The following CNBD1 variants were observed in gnomAD, a reference collection of about 807,000 sequenced individuals.
CNBD1 encodes the protein cyclic nucleotide binding domain containing 1.
CNBD1 carries 71 observed loss-of-function variants against 54.4 expected under a neutral mutation model. The observed-to-expected ratio is 1.30, with a 90% CI of 1.08 to 1.59. The LOEUF (loss-of-function observed/expected upper bound fraction) is 1.59. Among genes scored for constraint, CNBD1 ranks in the 40% most tolerant of loss-of-function variants. CNBD1 has a pLI of 0.00. For missense variants in CNBD1, 659 were observed against 518.0 expected, an observed-to-expected ratio of 1.27 and a Z score of -2.64; for synonymous variants, 182 against 170.7, an observed-to-expected ratio of 1.07 and a Z score of -0.51.
chr8:87,026,578 TAAA>T (rs199686658), intron 4 of CNBD1, among the ~76,000 whole-genome samples: 1 of 152,162 alleles, frequency 6.6e-6, no homozygotes, highest in Non-Finnish European at 1.5e-5. Flanking sequence ...CTTCTCTTTT[TAAA>T]AAATAACTAG....
At chr8:86,950,051 GGT>G (rs1491531353) in intron 4 of CNBD1, among the ~76,000 whole-genome samples, 1 of 67,856 alleles carries the variant, frequency 1.5e-5, no homozygotes, top group African/African-American at 6.6e-5. Flanking sequence ...CTGCCTCCCG[GGT>G]TTTTTTTTTT....
intron 8 of CNBD1, among the ~76,000 whole-genome samples, chr8:87,293,466 C>T (rs1316991185): frequency 3.3e-5 from 5 of 152,040 alleles, no homozygotes; most frequent in Non-Finnish European, 4.4e-5. Flanking sequence ...ATCTCTTGAA[C>T]CAGGAGGCTG....
intron 3 of CNBD1, among the ~76,000 whole-genome samples, chr8:86,931,066 T>A (rs2130403690): frequency 6.6e-6 from 1 of 152,242 alleles, no homozygotes; most frequent in Non-Finnish European, 1.5e-5. Context: ...TGTCCCTCCC[T>A]AATAAGGGTG....
At chr8:87,015,936 G>C (rs1809345602) in intron 4 of CNBD1, among the ~76,000 whole-genome samples, 2 of 115,708 alleles carry the variant, frequency 1.7e-5, no homozygotes, top group African/African-American at 6.7e-5. Context: ...AGCTGAGATT[G>C]TAACACTGCA....
At chr8:87,381,127 A>G (rs1245913796) in intron 10 of CNBD1, among the ~76,000 whole-genome samples, 1 of 152,076 alleles carries the variant, frequency 6.6e-6, no homozygotes, top group Non-Finnish European at 1.5e-5. Flanking sequence ...AATATTTGCA[A>G]ACCGTGCAAC....
intron 6 of CNBD1, among the ~76,000 whole-genome samples, chr8:87,251,722 A>G (rs1321287611): frequency 6.6e-6 from 1 of 151,726 alleles, no homozygotes; most frequent in African/African-American, 2.4e-5. Flanking sequence ...TCATCACGCT[A>G]TTTTTCTAAT....
intron 8 of CNBD1, among the ~76,000 whole-genome samples, chr8:87,288,450 G>A (rs375314848): frequency 6.6e-5 from 10 of 151,880 alleles, no homozygotes; most frequent in African/African-American, 2.4e-4. Flanking sequence ...TTAGAAAAGA[G>A]GAAAGAGACC....
chr8:87,025,998 T>C (rs1809636836), intron 4 of CNBD1, among the ~76,000 whole-genome samples: 1 of 152,184 alleles, frequency 6.6e-6, no homozygotes, highest in African/African-American at 2.4e-5. Context: ...TTTTCTAAAT[T>C]CTCTAAGAGG....
At chr8:87,042,105 G>A (rs1810084734) in intron 4 of CNBD1, among the ~76,000 whole-genome samples, 2 of 152,208 alleles carry the variant, frequency 1.3e-5, no homozygotes, top group Admixed American at 1.3e-4. Flanking sequence ...TAAAGTTACT[G>A]CTCAACTTTT....
intron 8 of CNBD1, among the ~76,000 whole-genome samples, chr8:87,302,921 A>C (rs1259982025): frequency 1.3e-5 from 2 of 151,894 alleles, no homozygotes; most frequent in Admixed American, 6.6e-5. Context: ...TAGGAATCCA[A>C]CTTACAAGGG....
chr8:86,905,298 C>G, intron 3 of CNBD1, 104 bp downstream of exon 3: 1 of 665,132 alleles, frequency 1.5e-6, no homozygotes, highest in Non-Finnish European at 2.6e-6. Flanking sequence ...CAGTTTCAGT[C>G]AAATATTTAG....
intron 8 of CNBD1, among the ~76,000 whole-genome samples, chr8:87,293,114 C>G (rs1808815778): frequency 6.6e-6 from 1 of 152,048 alleles, no homozygotes; most frequent in Non-Finnish European, 1.5e-5. Flanking sequence ...CTAGTTTTTT[C>G]AACATTTTTT....
intron 10 of CNBD1, among the ~76,000 whole-genome samples, chr8:87,378,861 G>T (rs188178973): frequency 9.4e-5 from 14 of 149,334 alleles, no homozygotes; most frequent in East Asian, 3.9e-4. Flanking sequence ...CCTTGAAAAG[G>T]TCCTTCATAT....
chr8:87,345,731 T>TTAAAAA (rs137893987), intron 8 of CNBD1, among the ~76,000 whole-genome samples: 2,822 of 152,136 alleles, frequency 0.019, 86 homozygotes, highest in African/African-American at 0.061. Flanking sequence ...TAAAAAAGAC[T>TTAAAAA]TAAAAATTAA....
chr8:86,961,761 C>A (rs906617653), intron 4 of CNBD1, among the ~76,000 whole-genome samples: 1 of 152,256 alleles, frequency 6.6e-6, no homozygotes, highest in Non-Finnish European at 1.5e-5. Flanking sequence ...ACCAGAGTGA[C>A]AGCCATGAAG....
At chr8:87,007,877 T>A (rs928850316) in intron 4 of CNBD1, among the ~76,000 whole-genome samples, 6 of 152,034 alleles carry the variant, frequency 3.9e-5, no homozygotes, top group African/African-American at 1.5e-4. Flanking sequence ...TTTTTGTCCT[T>A]TATAGGACAT....
chr8:87,183,903 A>G (rs1419132254), intron 4 of CNBD1, among the ~76,000 whole-genome samples: 1 of 152,200 alleles, frequency 6.6e-6, no homozygotes. Context: ...AACACCTGCT[A>G]CACTAGAGAG....
chr8:87,382,080 A>C (rs1811088411), intron 10 of CNBD1, among the ~76,000 whole-genome samples: 1 of 152,004 alleles, frequency 6.6e-6, no homozygotes, highest in East Asian at 1.9e-4. Flanking sequence ...CTATATTAAA[A>C]AACTATAAAA....
intron 4 of CNBD1, among the ~76,000 whole-genome samples, chr8:86,961,386 T>A (rs966446491): frequency 6.6e-6 from 1 of 152,154 alleles, no homozygotes; most frequent in African/African-American, 2.4e-5. Context: ...ACATCACAAG[T>A]TAAAACAGGC....
Sources: gnomAD v4.1 joint callset for allele counts (sites outside exome capture counted in the v4.1 genomes callset) on GRCh38, gnomAD v4.1.1 for gene constraint, MANE v1.5 for transcripts, NCBI Gene and HGNC (gene_info 2026-07-23, HGNC 2026-07-21) for gene names.